ZDHHC14: variants seen among roughly 807,000 people sequenced by gnomAD.
ZDHHC14 encodes the protein palmitoyltransferase ZDHHC14.
ZDHHC14 carries 16 observed loss-of-function variants against 47.7 expected under a neutral mutation model. The observed-to-expected ratio is 0.34, with a 90% confidence interval of 0.23 to 0.51. ZDHHC14 has a LOEUF of 0.51. ZDHHC14 is among the 20% of genes least tolerant of loss of function. The pLI is 0.97. For synonymous variants in ZDHHC14, 293 were observed against 278.9 expected (o/e 1.05, Z -0.50); for missense variants, 515 against 662.5 (o/e 0.78, Z 2.44).
chr6:157,476,101 A>C (rs1779475459), intron 1 of ZDHHC14, among the ~76,000 whole-genome samples: 1 of 152,146 alleles, frequency 6.6e-6, no homozygotes, highest in Non-Finnish European at 1.5e-5. Flanking sequence ...GAAATAATAG[A>C]GATCACAGCA....
At chr6:157,455,959 T>TGGGGGAAA (rs1158098903) in intron 1 of ZDHHC14, among the ~76,000 whole-genome samples, 3 of 152,174 alleles carry the variant, frequency 2.0e-5, no homozygotes, top group Admixed American at 1.3e-4. Flanking sequence ...CCCTTTAATC[T>TGGGGGAAA]GACTTGTGGG....
At chr6:157,652,885 C>T (rs972798855) in intron 7 of ZDHHC14, among the ~76,000 whole-genome samples, 5 of 151,788 alleles carry the variant, frequency 3.3e-5, no homozygotes, top group African/African-American at 9.7e-5. Flanking sequence ...AGGCAGAAAG[C>T]GATGTATGGG....
intron 2 of ZDHHC14, among the ~76,000 whole-genome samples, chr6:157,550,900 C>G (rs1182275624): frequency 6.6e-6 from 1 of 152,156 alleles, no homozygotes; most frequent in African/African-American, 2.4e-5. Context: ...ACAGAATATA[C>G]TGTGATTATA....
At chr6:157,504,449 ATTT>A (rs35677570) in intron 1 of ZDHHC14, among the ~76,000 whole-genome samples, 3 of 96,464 alleles carry the variant, frequency 3.1e-5, no homozygotes. Flanking sequence ...CACCCAGCCT[ATTT>A]TTTTTTTTTT....
At chr6:157,503,940 AT>A (rs1490084556) in intron 1 of ZDHHC14, among the ~76,000 whole-genome samples, 1 of 152,216 alleles carries the variant, frequency 6.6e-6, no homozygotes, top group East Asian at 1.9e-4. Context: ...CAGAATGCAC[AT>A]CTACCCTCTG....
intron 1 of ZDHHC14, among the ~76,000 whole-genome samples, chr6:157,473,641 C>T (rs1779407721): frequency 6.6e-6 from 1 of 152,076 alleles, no homozygotes; most frequent in African/African-American, 2.4e-5. Flanking sequence ...CCAAAAACCC[C>T]AAATCCAAAA....
At chr6:157,437,303 G>A (rs549216047) in intron 1 of ZDHHC14, among the ~76,000 whole-genome samples, 14 of 152,268 alleles carry the variant, frequency 9.2e-5, no homozygotes, top group African/African-American at 3.1e-4. Context: ...TAAGGTTAAC[G>A]GATGCTTCCT....
chr6:157,470,309 G>C (rs1291387492), intron 1 of ZDHHC14, among the ~76,000 whole-genome samples: 1 of 152,184 alleles, frequency 6.6e-6, no homozygotes, highest in Non-Finnish European at 1.5e-5. Context: ...AATTGATCTC[G>C]AACTCCTGAC....
intron 7 of ZDHHC14, among the ~76,000 whole-genome samples, chr6:157,649,827 T>G (rs141696949): frequency 2.2e-4 from 34 of 152,232 alleles, no homozygotes; most frequent in African/African-American, 7.0e-4. Context: ...AATGGAAAAT[T>G]GGGAACACAG....
At chr6:157,400,657 C>T (rs1372806946) in intron 1 of ZDHHC14, among the ~76,000 whole-genome samples, 1 of 152,232 alleles carries the variant, frequency 6.6e-6, no homozygotes, top group Non-Finnish European at 1.5e-5. Context: ...CGCTGCTGCC[C>T]ATGGATGTCA....
intron 2 of ZDHHC14, among the ~76,000 whole-genome samples, chr6:157,551,357 T>C (rs1782223550): frequency 6.6e-6 from 1 of 152,074 alleles, no homozygotes; most frequent in African/African-American, 2.4e-5. Flanking sequence ...CAGAGACAGG[T>C]GTAACTCCAC....
chr6:157,393,623 C>G (rs1162711302), intron 1 of ZDHHC14, among the ~76,000 whole-genome samples: 2 of 152,210 alleles, frequency 1.3e-5, no homozygotes, highest in African/African-American at 4.8e-5. Flanking sequence ...TTGACATAAT[C>G]TGGTATTTTT....
intron 3 of ZDHHC14, among the ~76,000 whole-genome samples, chr6:157,619,618 G>T (rs1000325071): frequency 2.0e-5 from 3 of 152,160 alleles, no homozygotes; most frequent in African/African-American, 7.2e-5. Context: ...CAGCCACATT[G>T]CTGTCCAAGG....
intron 3 of ZDHHC14, among the ~76,000 whole-genome samples, chr6:157,603,868 T>C (rs1784430406): frequency 6.6e-6 from 1 of 152,158 alleles, no homozygotes; most frequent in African/African-American, 2.4e-5. Flanking sequence ...GAAGACTCCA[T>C]TGTCCAAGGA....
At chr6:157,442,662 C>G (rs1293475472) in intron 1 of ZDHHC14, among the ~76,000 whole-genome samples, 2 of 152,110 alleles carry the variant, frequency 1.3e-5, no homozygotes, top group African/African-American at 4.8e-5. Flanking sequence ...GAAAGCGTAC[C>G]CTGGAGGGCA....
chr6:157,450,773 C>T (rs1778785330), intron 1 of ZDHHC14, among the ~76,000 whole-genome samples: 1 of 152,102 alleles, frequency 6.6e-6, no homozygotes, highest in Non-Finnish European at 1.5e-5. Flanking sequence ...GGCAAGTGTA[C>T]AAAGAGAAAT....
chr6:157,484,757 A>G (rs1443543851), intron 1 of ZDHHC14, among the ~76,000 whole-genome samples: 1 of 152,098 alleles, frequency 6.6e-6, no homozygotes, highest in African/African-American at 2.4e-5. Flanking sequence ...AAAATAAGGC[A>G]CCCAAGGGAT....
intron 1 of ZDHHC14, among the ~76,000 whole-genome samples, chr6:157,428,053 T>C (rs1043499528): frequency 2.0e-5 from 3 of 152,222 alleles, no homozygotes; most frequent in African/African-American, 7.2e-5. Context: ...AGGGCTGTTC[T>C]GCTGTCGATA....
At chr6:157,609,195 T>C (rs1784661819) in intron 3 of ZDHHC14, among the ~76,000 whole-genome samples, 1 of 152,146 alleles carries the variant, frequency 6.6e-6, no homozygotes, top group Non-Finnish European at 1.5e-5. Flanking sequence ...AAAATAAACA[T>C]GAGGACCTCG....
Sources: allele counts gnomAD v4.1 joint callset (sites outside exome capture counted in the v4.1 genomes callset), GRCh38; gene constraint gnomAD v4.1.1; transcripts MANE v1.5; gene names NCBI Gene and HGNC (gene_info 2026-07-23, HGNC 2026-07-21).